MTR: variants seen among roughly 807,000 people sequenced by gnomAD.
MTR encodes the protein methionine synthase.
In MTR, 84 loss-of-function variants were observed where a neutral mutation model predicts 154.8. The observed-to-expected ratio is 0.54, with a 90% CI of 0.45 to 0.65. The LOEUF is 0.65. Ranked by LOEUF, MTR falls within the 30% of genes least tolerant of loss-of-function variation. The pLI is 0.00. For missense variants in MTR, 1,275 were observed against 1,570.2 expected (o/e 0.81, Z 3.18); for synonymous variants, 554 against 553.9 (o/e 1.00, Z 0.00).
At position 236,902,462 on chromosome 1, in the gene MTR, A is replaced by G. The variant is rs1175753129; in HGVS notation, c.*4818A>G. 2.6e-5 allele frequency: 4 copies of G among 152,190 alleles called. No individual in the cohort carries two copies. The highest frequency in any genetic ancestry group is 2.0e-4 in the Admixed American group (3 of 15,268). 9.4% of individuals were successfully genotyped at this position (152,190 alleles called of 1,614,324 possible). On this transcript the variant is annotated 3_prime_UTR_variant, in exon 33 of 33. Coordinates refer to ENST00000366577, the MANE Select transcript of MTR (RefSeq NM_000254.3). ...GGTTTGGAACCTTACTCATCTTTAT[A>G]TGGCGTCTAAAATAGTGCTTGCTTT...
chr1:236,868,866 G>T (rs973645735), intron 22 of MTR, among the ~76,000 whole-genome samples: 2 of 152,216 alleles, frequency 1.3e-5, no homozygotes, highest in African/African-American at 4.8e-5. Context: ...CGGTAATGCA[G>T]TCTCTCCTGA....
intron 25 of MTR, 144 bp downstream of exon 25, chr1:236,880,980 G>A: frequency 1.2e-6 from 1 of 826,722 alleles, no homozygotes; most frequent in Admixed American, 2.0e-5. Flanking sequence ...GTGTGCCTCT[G>A]CAGTGACTGC....
intron 1 of MTR, among the ~76,000 whole-genome samples, chr1:236,798,644 A>G (rs930244011): frequency 2.0e-5 from 3 of 152,212 alleles, no homozygotes; most frequent in Non-Finnish European, 4.4e-5. Flanking sequence ...AATATTTCTG[A>G]AATAGTGTTA....
At chr1:236,800,081 AGG>A in intron 1 of MTR, 2 of 985,274 alleles carry the variant, frequency 2.0e-6, no homozygotes, top group Non-Finnish European at 2.4e-6. Flanking sequence ...GAATACAGTA[AGG>A]GCCCCATGGA....
intron 15 of MTR, among the ~76,000 whole-genome samples, chr1:236,839,498 A>G (rs1369144088): frequency 6.6e-6 from 1 of 152,196 alleles, no homozygotes; most frequent in African/African-American, 2.4e-5. Flanking sequence ...AATAGAAGAA[A>G]AAATTAGAAG....
intron 31 of MTR, among the ~76,000 whole-genome samples, 157 bp from the exon 32 acceptor site, chr1:236,896,849 C>G (rs1223017050): frequency 6.6e-6 from 1 of 152,230 alleles, no homozygotes; most frequent in East Asian, 1.9e-4. Context: ...CTAGACTTCT[C>G]TGATCACAGC....
At chr1:236,820,022 T>C (rs1661832111) in intron 8 of MTR, 14 of 932,246 alleles carry the variant, frequency 1.5e-5, no homozygotes, top group South Asian at 1.3e-4. Context: ...ACTCGAGGGC[T>C]GACCAGCAGC....
chr1:236,894,536 G>A lies in MTR; in HGVS notation c.3384G>A (p.Ala1128=), dbSNP rs767454577. 26 of 1,614,032 alleles carry A rather than the reference G, an allele frequency of 1.6e-5. No individual in the cohort carries two copies. Among genetic ancestry groups the A allele is most frequent in the Middle Eastern group, 3.3e-4 (2 of 6,084 alleles). The change falls in exon 30 of 33, where the codon GCG becomes GCA. Residue 1128 remains alanine (A), a synonymous_variant. Coordinates refer to ENST00000366577, the MANE Select transcript of MTR (RefSeq NM_000254.3). The stretch of plus-strand genomic sequence containing the variant: ...ACTACAGCAGCATCATGGTCAAGGC[G>A]CTGGGGGACCGGCTGGCAGAGGTAA... The part of the protein sequence containing the change: ...GDDYSSIMVK[A]LGDRLAEAFA...
chr1:236,808,948 T>C (rs1661145000), intron 4 of MTR, among the ~76,000 whole-genome samples, 175 bp downstream of exon 4: 1 of 152,226 alleles, frequency 6.6e-6, no homozygotes, highest in Non-Finnish European at 1.5e-5. Flanking sequence ...AATCAAGCAC[T>C]CAACATCTTT....
chr1:236,802,016 T>C (rs771300049), intron 1 of MTR, among the ~76,000 whole-genome samples: 12 of 152,060 alleles, frequency 7.9e-5, no homozygotes, highest in Admixed American at 4.6e-4. Context: ...TCAGAGAGGA[T>C]TGGTGATAGC....
intron 6 of MTR, among the ~76,000 whole-genome samples, chr1:236,815,240 A>G (rs771042480): frequency 1.2e-4 from 18 of 152,216 alleles, no homozygotes; most frequent in Non-Finnish European, 1.9e-4. Flanking sequence ...TCACAGCTCA[A>G]CTGCAACCTT....
At chr1:236,824,999 C>T (rs1265458667) in intron 9 of MTR, among the ~76,000 whole-genome samples, 1 of 152,044 alleles carries the variant, frequency 6.6e-6, no homozygotes, top group Non-Finnish European at 1.5e-5. Flanking sequence ...TCCTTCCACC[C>T]CCACCCCCAA....
intron 15 of MTR, among the ~76,000 whole-genome samples, chr1:236,847,107 G>A (rs997675884): frequency 1.3e-5 from 2 of 151,852 alleles, no homozygotes; most frequent in Non-Finnish European, 2.9e-5. Flanking sequence ...GGCTGTTCTC[G>A]AACTCCTGAC....
Position 236,806,135 on chromosome 1 carries a change from T to C in MTR, c.250-9T>C, listed in dbSNP as rs765272438. On this transcript the variant is annotated splice_polypyrimidine_tract_variant and intron_variant, in intron 2 of 32. Transcript: ENST00000366577. ...AGCTCATAATTGACATTATAATCTCTTGTTGCAGGAATACTTGCTGGCTGG... is the reference window on the plus strand; with the variant it reads ...AGCTCATAATTGACATTATAATCTCCTGTTGCAGGAATACTTGCTGGCTGG... 3.7e-6 allele frequency: 6 copies of C among 1,611,544 alleles called. No homozygotes were observed. The highest frequency in any genetic ancestry group is 5.1e-6 in the Non-Finnish European group (6 of 1,177,706).
At position 236,861,475 on chromosome 1, in the gene MTR, C is replaced by T. The variant is rs530944733; in HGVS notation, c.2196+198C>T. Among the ~76,000 whole-genome samples, 14 of 152,148 alleles carry T rather than the reference C, an allele frequency of 9.2e-5. No individual in the cohort carries two copies. The South Asian group carries it at 1.7e-3, about 18-fold the overall frequency. On this transcript the variant is annotated intron_variant, in intron 20 of 32. Coordinates refer to ENST00000366577, the MANE Select transcript of MTR (RefSeq NM_000254.3). ...CAGAGTGGTGTGGATGTTGGAAATC[C>T]GAAAATTCTTAGCATCATAATCTAT...
intron 22 of MTR, among the ~76,000 whole-genome samples, chr1:236,870,961 A>C (rs144689847): frequency 1.4e-3 from 207 of 151,904 alleles, no homozygotes; most frequent in African/African-American, 4.8e-3. Flanking sequence ...CACTACCTAC[A>C]CTGCTTCTTG....
chr1:236,818,138 T>G (rs1414247529), intron 8 of MTR, among the ~76,000 whole-genome samples: 7 of 152,210 alleles, frequency 4.6e-5, no homozygotes, highest in Admixed American at 1.3e-4. Flanking sequence ...TGTGGTTAAG[T>G]AAATGACACT....
At chr1:236,895,887 G>C (rs1301687113) in intron 31 of MTR, among the ~76,000 whole-genome samples, 1 of 152,166 alleles carries the variant, frequency 6.6e-6, no homozygotes, top group East Asian at 1.9e-4. Flanking sequence ...CTTAGAGACC[G>C]ACCTTTGTCC....
At chr1:236,885,367 A>T (rs1009956745) in intron 26 of MTR, 148 bp downstream of exon 26, 2 of 659,744 alleles carry the variant, frequency 3.0e-6, no homozygotes, top group African/African-American at 3.6e-5. Context: ...TTCAAATCAG[A>T]GGTCTTCAGT....
Sources: allele counts gnomAD v4.1 joint callset (sites outside exome capture counted in the v4.1 genomes callset), GRCh38; gene constraint gnomAD v4.1.1; transcripts MANE v1.5; gene names NCBI Gene and HGNC (gene_info 2026-07-23, HGNC 2026-07-21).